ECPAS: variants seen among roughly 807,000 people sequenced by gnomAD.
ECPAS encodes proteasome adapter and scaffold protein ECM29.
ECPAS carries 70 observed loss-of-function variants against 255.1 expected under a neutral mutation model. That is an observed-to-expected ratio of 0.27 (90% CI 0.23 to 0.33). The LOEUF is 0.33. ECPAS is among the 10% of genes least tolerant of loss of function. ECPAS has a pLI of 1.00. For synonymous variants in ECPAS, 784 were observed against 775.0 expected, an observed-to-expected ratio of 1.01 and a Z score of -0.19; for missense variants, 1,817 against 2,206.4, an observed-to-expected ratio of 0.82 and a Z score of 3.54.
intron 46 of ECPAS, among the ~76,000 whole-genome samples, chr9:111,367,842 G>GT (rs1257426871): frequency 6.6e-6 from 1 of 152,082 alleles, no homozygotes; most frequent in East Asian, 1.9e-4. Context: ...GAGCCCAGGA[G>GT]TTTGAGACCA....
chr9:111,366,477 T>G, intron 47 of ECPAS, 45 bp downstream of exon 47: 1 of 1,443,850 alleles, frequency 6.9e-7, no homozygotes, highest in East Asian at 2.3e-5. Flanking sequence ...CATAAAATGC[T>G]GCGGGGAGGA....
chr9:111,392,558 G>A (rs1410944005), intron 28 of ECPAS, among the ~76,000 whole-genome samples: 2 of 152,078 alleles, frequency 1.3e-5, no homozygotes, highest in African/African-American at 2.4e-5. Context: ...TTAAACTTTC[G>A]ACGCTTGACC....
chr9:111,378,146 C>CA (rs2098135729), intron 36 of ECPAS, among the ~76,000 whole-genome samples: 1 of 144,056 alleles, frequency 6.9e-6, no homozygotes, highest in South Asian at 2.2e-4. Context: ...GCTCCGTCTC[C>CA]AAAAAAATAA....
chr9:111,386,724 A>G (rs186645043), intron 31 of ECPAS, among the ~76,000 whole-genome samples: 49 of 152,340 alleles, frequency 3.2e-4, no homozygotes, highest in Non-Finnish European at 2.9e-4. Context: ...CCAGGCATGC[A>G]CACAAAGCCT....
Position 111,423,189 on chromosome 9 carries a change from G to A in ECPAS, c.1265+10C>T. The A allele has an allele frequency of 6.5e-7, 1 of 1,546,024 alleles. No homozygotes were observed. Among genetic ancestry groups the A allele is most frequent in the Non-Finnish European group, 8.8e-7 (1 of 1,139,480 alleles). On this transcript the variant is annotated intron_variant, in intron 13 of 49. Transcript: ENST00000684092. ...ACACCATATCTCTCACTAAAAAAGAGTTTACTCACCTGGAGAGTTTTCCAA... is the reference window on the plus strand; with the variant it reads ...ACACCATATCTCTCACTAAAAAAGAATTTACTCACCTGGAGAGTTTTCCAA...
intron 23 of ECPAS, 41 bp downstream of exon 23, chr9:111,410,000 G>T (rs776559183): frequency 1.6e-5 from 23 of 1,472,638 alleles, no homozygotes; most frequent in Non-Finnish European, 2.1e-5. Flanking sequence ...TGCATAGAAA[G>T]ACCGAATTCC....
chr9:111,476,117 T>C (rs959444526), intron 1 of ECPAS, among the ~76,000 whole-genome samples: 5 of 152,244 alleles, frequency 3.3e-5, no homozygotes, highest in Admixed American at 2.6e-4. Flanking sequence ...CTATGTCAAA[T>C]GGTCAAATTG....
In ECPAS at chr9:111,394,181, T is replaced by C; in HGVS notation, c.2901A>G (p.Leu967=). The C allele has an allele frequency of 6.2e-7, 1 of 1,609,016 alleles. No individual in the cohort carries two copies. Among genetic ancestry groups the C allele is most frequent in the Non-Finnish European group, 8.5e-7 (1 of 1,177,660 alleles). The change falls in exon 26 of 50, where the codon CTA becomes CTG. Residue 967 remains leucine, a synonymous_variant. Transcript: ENST00000684092. ...TCACCTTCACTTCTTTGTGGGTACTTAGCTTCCTGACAAGGGAAAGGAGCC... is the reference window on the plus strand; with the variant it reads ...TCACCTTCACTTCTTTGTGGGTACTCAGCTTCCTGACAAGGGAAAGGAGCC... ...CIWLLSLVRK[L]STHKEVKSHL... is the part of the protein sequence containing the mutation.
intron 1 of ECPAS, among the ~76,000 whole-genome samples, chr9:111,477,522 C>A (rs1278986559): frequency 6.6e-6 from 1 of 152,160 alleles, no homozygotes; most frequent in Non-Finnish European, 1.5e-5. Flanking sequence ...TAGTTAGACA[C>A]ACACACACAC....
chr9:111,368,505 C>A (rs1209321138), intron 46 of ECPAS, among the ~76,000 whole-genome samples: 1 of 152,118 alleles, frequency 6.6e-6, no homozygotes, highest in Non-Finnish European at 1.5e-5. Context: ...ACTGTGCCCC[C>A]AAAATTCGTA....
intron 39 of ECPAS, 34 bp from the exon 40 acceptor site, chr9:111,373,440 T>C (rs1236405778): frequency 3.2e-6 from 5 of 1,573,376 alleles, no homozygotes; most frequent in Admixed American, 1.7e-5. Context: ...ATCTGATACT[T>C]GGTTGACCAA....
chr9:111,403,818 C>G (rs754695980), intron 24 of ECPAS, among the ~76,000 whole-genome samples: 4 of 149,838 alleles, frequency 2.7e-5, no homozygotes, highest in South Asian at 2.1e-4. Context: ...GTTTTCTCAT[C>G]AGCACATGGA....
intron 49 of ECPAS, among the ~76,000 whole-genome samples, chr9:111,363,107 T>TCCCCCC (rs3837271): frequency 8.9e-5 from 13 of 146,754 alleles, no homozygotes; most frequent in East Asian, 2.1e-4. Context: ...TGCTAACAGT[T>TCCCCCC]CCCCCCCACC....
chr9:111,366,685 G>A, intron 46 of ECPAS, 58 bp from the exon 47 acceptor site: 1 of 1,098,456 alleles, frequency 9.1e-7, no homozygotes, highest in Non-Finnish European at 1.4e-6. Flanking sequence ...AACAAGAGAT[G>A]GAATAAATGA....
chr9:111,380,560 G>A (rs1003356414), intron 35 of ECPAS, among the ~76,000 whole-genome samples: 8 of 152,178 alleles, frequency 5.3e-5, no homozygotes, highest in Non-Finnish European at 1.0e-4. Flanking sequence ...AGCTGCATTG[G>A]CCCCTAACAA....
intron 1 of ECPAS, chr9:111,483,904 G>A (rs952452252): frequency 7.9e-6 from 5 of 630,092 alleles, no homozygotes; most frequent in East Asian, 2.8e-4. Context: ...AGAAAGAGCT[G>A]AGCCATCCTC....
At chr9:111,418,428 A>G (rs2098207906) in intron 16 of ECPAS, among the ~76,000 whole-genome samples, 1 of 136,362 alleles carries the variant, frequency 7.3e-6, no homozygotes, top group Non-Finnish European at 1.5e-5. Context: ...TGTACAACTA[A>G]TAACTCATAA....
chr9:111,384,918 TA>T (rs145541778), intron 33 of ECPAS, among the ~76,000 whole-genome samples: 8,474 of 152,138 alleles, frequency 0.056, 570 homozygotes, highest in African/African-American at 0.15. Flanking sequence ...AAAAGAAAGG[TA>T]AAACTGAAGT....
rs199930694 is a variant in ECPAS at position 111,468,628 on chromosome 9, TGAGAGAGA to T, written c.22+4261_22+4268del. On this transcript the variant is annotated intron_variant, in intron 2 of 49. Transcript: ENST00000684092. ...ACCAATTCTGGGCAAAGAGAGTGAG[TGAGAGAGA>T]GAGAGAGAGAGAGAGAGCGAGCGTG... Among the ~76,000 whole-genome samples the T allele has an allele frequency of 5.3e-3, 737 of 140,040 alleles. 6 individuals carry two copies. Among genetic ancestry groups the T allele is most frequent in the African/African-American group, 0.017 (648 of 38,480 alleles). 91.9% of individuals were successfully genotyped at this position (140,040 alleles called of 152,430 possible).
Sources: gnomAD v4.1 joint callset for allele counts (sites outside exome capture counted in the v4.1 genomes callset) on GRCh38, gnomAD v4.1.1 for gene constraint, MANE v1.5 for transcripts, NCBI Gene and HGNC (gene_info 2026-07-23, HGNC 2026-07-21) for gene names.